Variants in PCDHGA6 observed in about 807,000 individuals in gnomAD.
The protein encoded by PCDHGA6 is protocadherin gamma subfamily A, 6, also known as protocadherin gamma-A6.
Under a neutral mutation model 60.6 loss-of-function variants are expected in PCDHGA6, and 41 were observed. The ratio of observed to expected loss-of-function variants is 0.68; its 90% CI spans 0.53 to 0.88. PCDHGA6 has a LOEUF of 0.88. Ranked by LOEUF, PCDHGA6 falls within the 40% of genes least tolerant of loss-of-function variation. The pLI is 0.00. For synonymous variants in PCDHGA6, 594 were observed against 524.4 expected, an observed-to-expected ratio of 1.13 and a Z score of -1.81; for missense variants, 1,312 against 1,203.0, an observed-to-expected ratio of 1.09 and a Z score of -1.34.
intron 3 of PCDHGA6, among the ~76,000 whole-genome samples, chr5:141,509,622 T>C (rs2099877603): frequency 6.6e-6 from 1 of 152,186 alleles, no homozygotes; most frequent in Non-Finnish European, 1.5e-5. Flanking sequence ...AACAAGTTCC[T>C]GGGTGATGCT....
chr5:141,388,424 G>T, intron 1 of PCDHGA6: 2 of 1,613,812 alleles, frequency 1.2e-6, no homozygotes, highest in Non-Finnish European at 1.7e-6. Flanking sequence ...ATTTCTCACT[G>T]ATAAATAAAG....
At chr5:141,504,240 G>A (rs1275204117) in intron 2 of PCDHGA6, among the ~76,000 whole-genome samples, 1 of 152,182 alleles carries the variant, frequency 6.6e-6, no homozygotes, top group Non-Finnish European at 1.5e-5. Context: ...AAGAAGCAGA[G>A]AGTTCTTCTT....
chr5:141,490,605 C>A lies in PCDHGA6; in HGVS notation c.2425-4202C>A. On this transcript the variant is annotated intron_variant, in intron 1 of 3. Transcript: ENST00000517434. The surrounding 1 kb of genome is among the most constrained non-coding windows in gnomAD (Gnocchi z 5.4). ...TCAATGACAATGCACCCCGCTTCAA[C>A]CAGCAGCTTTACACTGCTTACATCC... 6.2e-6 allele frequency: 10 copies of A among 1,614,198 alleles called. No individual in the cohort carries two copies. The highest frequency in any genetic ancestry group is 8.5e-6 in the Non-Finnish European group (10 of 1,180,030).
At chr5:141,398,568 G>A (rs761294182) in intron 1 of PCDHGA6, 5 of 1,614,014 alleles carry the variant, frequency 3.1e-6, no homozygotes, top group African/African-American at 1.3e-5. Flanking sequence ...AGTCTGCACA[G>A]CCTGGCACAA....
intron 1 of PCDHGA6, among the ~76,000 whole-genome samples, chr5:141,425,629 C>G (rs1297803997): frequency 1.3e-5 from 2 of 152,162 alleles, no homozygotes; most frequent in Admixed American, 1.3e-4. Flanking sequence ...CTCCAGTTTT[C>G]TCTGATAAAA....
intron 1 of PCDHGA6, chr5:141,426,591 A>G: frequency 1.4e-5 from 5 of 369,676 alleles, no homozygotes; most frequent in South Asian, 7.9e-5. Context: ...CCTCTGTGTC[A>G]TACCCTTAGA....
intron 1 of PCDHGA6, among the ~76,000 whole-genome samples, chr5:141,462,868 T>C (rs1232965498): frequency 6.6e-6 from 1 of 152,228 alleles, no homozygotes; most frequent in East Asian, 1.9e-4. Context: ...TTTGTCTTTC[T>C]TTAAGAACTA....
intron 2 of PCDHGA6, 40 bp from the exon 3 acceptor site, chr5:141,505,353 G>T (rs376781305): frequency 1.7e-5 from 27 of 1,613,426 alleles, no homozygotes; most frequent in Non-Finnish European, 2.0e-5. Flanking sequence ...GAGCTGTGCC[G>T]GCCTGGGAGT....
intron 1 of PCDHGA6, chr5:141,378,543 A>G (rs1328752937): frequency 6.6e-6 from 1 of 152,122 alleles, no homozygotes; most frequent in East Asian, 1.9e-4. Context: ...AATGATAATT[A>G]ATAAATAAAG....
intron 1 of PCDHGA6, chr5:141,395,266 T>C (rs1369566717): frequency 1.9e-6 from 3 of 1,548,854 alleles, no homozygotes; most frequent in Non-Finnish European, 8.7e-7. Context: ...TTGCTTTTAA[T>C]TTCCAGATGA....
chr5:141,427,355 C>A (rs765449381), intron 1 of PCDHGA6: 9 of 457,430 alleles, frequency 2.0e-5, no homozygotes, highest in Non-Finnish European at 3.5e-5. Context: ...TAACTGAGGA[C>A]GCAGAACCCT....
At chr5:141,460,849 G>A (rs908955373) in intron 1 of PCDHGA6, among the ~76,000 whole-genome samples, 1 of 150,224 alleles carries the variant, frequency 6.7e-6, no homozygotes, top group Non-Finnish European at 1.5e-5. Flanking sequence ...CCTCCAGTTC[G>A]ATCCAAGTTG....
rs549801775 is a variant in PCDHGA6 at position 141,419,346 on chromosome 5, T to C, written c.2424+42839T>C. The C allele has an allele frequency of 6.2e-7, 1 of 1,613,828 alleles. No individual in the cohort carries two copies. The highest frequency in any genetic ancestry group is 2.2e-5 in the East Asian group (1 of 44,886). ...TCCTACTCTCTCATTGCCAGCGACCTGGAGTCACGAACGCTGTCGTCCTAC... is the reference window on the plus strand; with the variant it reads ...TCCTACTCTCTCATTGCCAGCGACCCGGAGTCACGAACGCTGTCGTCCTAC... On this transcript the variant is annotated intron_variant, in intron 1 of 3. Coordinates refer to ENST00000517434, the MANE Select transcript of PCDHGA6 (RefSeq NM_018919.3).
chr5:141,408,717 T>C lies in PCDHGA6; in HGVS notation c.2424+32210T>C, dbSNP rs774691298. ...ATAAACTCAATTAAAGATTATAAGA[T>C]AAACTCTAATCCTTATTTTTCATTA... is the stretch of plus-strand genomic sequence containing the variant. On this transcript the variant is annotated intron_variant, in intron 1 of 3. Transcript: ENST00000517434. The C allele has an allele frequency of 1.9e-6, 3 of 1,611,662 alleles. No individual in the cohort carries two copies. In the South Asian group the frequency reaches 3.3e-5, roughly 18 times the overall value.
chr5:141,396,597 G>A (rs2150671251), intron 1 of PCDHGA6: 1 of 151,620 alleles, frequency 6.6e-6, no homozygotes, highest in Middle Eastern at 3.4e-3. Flanking sequence ...TCCAGCCTGG[G>A]CAACAGGGTG....
chr5:141,447,851 C>T (rs961725006), intron 1 of PCDHGA6, among the ~76,000 whole-genome samples: 1 of 151,980 alleles, frequency 6.6e-6, no homozygotes, highest in East Asian at 1.9e-4. Flanking sequence ...TTTGGGAGGC[C>T]GAGGTGGGTG....
intron 1 of PCDHGA6, chr5:141,393,114 C>T (rs750579370): frequency 1.9e-6 from 3 of 1,613,418 alleles, no homozygotes; most frequent in Non-Finnish European, 8.5e-7. Context: ...TCAGAGCCCG[C>T]GGTGTCTGAT....
At chr5:141,422,806 C>A in intron 1 of PCDHGA6, 1 of 1,614,208 alleles carries the variant, frequency 6.2e-7, no homozygotes, top group Non-Finnish European at 8.5e-7. Flanking sequence ...TGAGCAGTTT[C>A]GAGACTTAGA....
chr5:141,490,473 T>C lies in PCDHGA6; in HGVS notation c.2425-4334T>C. 6.2e-7 allele frequency: 1 copy of C among 1,614,228 alleles called. No homozygotes were observed. Among genetic ancestry groups the C allele is most frequent in the East Asian group, 2.2e-5 (1 of 44,878 alleles). On this transcript the variant is annotated intron_variant, in intron 1 of 3. Transcript: ENST00000517434. This position sits in a 1 kb window ranked among gnomAD's most constrained non-coding sequence, Gnocchi z 5.4. ...ACTACTCGCTGCTAACCAGCCAGCC[T>C]TTGGACCGGGAGGCCACATCCCACT...
Sources: allele counts gnomAD v4.1 joint callset (sites outside exome capture counted in the v4.1 genomes callset), GRCh38; gene constraint gnomAD v4.1.1; non-coding constraint Gnocchi (gnomAD v3.1); transcripts MANE v1.5; gene names NCBI Gene and HGNC (gene_info 2026-07-23, HGNC 2026-07-21).